Variants in MAPK8IP3 observed in about 807,000 individuals in gnomAD.
MAPK8IP3 encodes C-Jun-amino-terminal kinase-interacting protein 3.
In MAPK8IP3, 49 loss-of-function variants were observed where a neutral mutation model predicts 157.8. That is an observed-to-expected ratio of 0.31 (90% CI 0.25 to 0.39). The LOEUF (loss-of-function observed/expected upper bound fraction) is 0.39, where lower values mean the gene tolerates loss of function less well. Ranked by LOEUF, MAPK8IP3 falls within the 10% of genes least tolerant of loss-of-function variation. The probability of loss-of-function intolerance (pLI) is 1.00; values close to 1 mark genes in which losing one functional copy is unlikely to be tolerated. For synonymous variants in MAPK8IP3, 897 were observed against 777.7 expected, an observed-to-expected ratio of 1.15 and a Z score of -2.55; for missense variants, 1,478 against 1,889.4, an observed-to-expected ratio of 0.78 and a Z score of 4.04.
chr16:1,711,869 G>C (rs557307383), intron 1 of MAPK8IP3, among the ~76,000 whole-genome samples: 2 of 151,136 alleles, frequency 1.3e-5, no homozygotes, highest in East Asian at 2.0e-4. Context: ...GAACACAGGA[G>C]GTAGAGCTTG....
intron 8 of MAPK8IP3, chr16:1,752,280 G>A (rs533618539): frequency 2.8e-5 from 5 of 178,974 alleles, no homozygotes; most frequent in Non-Finnish European, 6.1e-5. Context: ...CGATGAGGCT[G>A]CAAGTCACTA....
At chr16:1,748,825 T>C (rs1481399114) in intron 8 of MAPK8IP3, 105 bp downstream of exon 8, 1 of 1,023,198 alleles carries the variant, frequency 9.8e-7, no homozygotes, top group Non-Finnish European at 1.6e-6. Context: ...AGCTGTGAGC[T>C]AGGAACCTTT....
rs1329515421 is a variant in MAPK8IP3, at chr16:1,742,950, G to A, written c.603-382G>A. ...ATCCTGGCTAACACGGTGAAACCCC[G>A]TCTCTACTAAAAATACAAAAAAAAA... On this transcript the variant is annotated intron_variant, in intron 4 of 31. Coordinates refer to ENST00000610761, the MANE Select transcript of MAPK8IP3 (RefSeq NM_001318852.2). The surrounding 1 kb of genome is among the most constrained non-coding windows in gnomAD (Gnocchi z 5.0). 1.3e-5 allele frequency among the ~76,000 whole-genome samples: 2 copies of A among 151,858 alleles called. No homozygotes were observed. Among genetic ancestry groups the A allele is most frequent in the South Asian group, 2.1e-4 (1 of 4,818 alleles).
rs745739829 is a variant in MAPK8IP3 at position 1,768,462 on chromosome 16, C to T, written c.3743-15C>T. The stretch of plus-strand genomic sequence containing the variant: ...CCCAGGAGGCCGCTGTCCTGAATCG[C>T]TTCTGCCATCCCAGGGAACGTGCTG... On this transcript the variant is annotated splice_polypyrimidine_tract_variant and intron_variant, in intron 30 of 31. Coordinates refer to ENST00000610761, the MANE Select transcript of MAPK8IP3 (RefSeq NM_001318852.2). 1.6e-5 allele frequency: 26 copies of T among 1,578,344 alleles called. No homozygotes were observed. The South Asian group carries it at 2.6e-4, about 16-fold the overall frequency.
At chr16:1,728,925 A>C (rs375929601) in intron 2 of MAPK8IP3, among the ~76,000 whole-genome samples, 2,265 of 85,380 alleles carry the variant, frequency 0.027, no homozygotes, top group Middle Eastern at 0.13. Context: ...AGCAGCCCCC[A>C]AGACGGCCTT....
In MAPK8IP3 at chr16:1,763,796, G is replaced by A. The variant is rs369687516; in HGVS notation, c.2025+13G>A. The A allele has an allele frequency of 1.6e-5, 24 of 1,513,814 alleles. No homozygotes were observed. In the African/African-American group the frequency reaches 3.2e-4, roughly 20 times the overall value. 93.8% of individuals were successfully genotyped at this position (1,513,814 alleles called of 1,614,324 possible). A position where few individuals can be genotyped will look rare whatever the true frequency, so the allele number is the denominator to read the frequency against. On this transcript the variant is annotated intron_variant, in intron 17 of 31. Coordinates refer to ENST00000610761, the MANE Select transcript of MAPK8IP3 (RefSeq NM_001318852.2). ...CAAGTACAAGCAGGTGCGGGCGGGC[G>A]CTGCGGGGACCGGGCGGGGCCCCGC...
At chr16:1,758,762 A>G (rs1447756000) in intron 9 of MAPK8IP3, among the ~76,000 whole-genome samples, 1 of 152,196 alleles carries the variant, frequency 6.6e-6, no homozygotes, top group African/African-American at 2.4e-5. Flanking sequence ...GTCTTCATGT[A>G]ACCCCAAGGA....
rs1449598065 is a variant in MAPK8IP3, at chr16:1,741,253, G to A, written c.603-2079G>A. 1.3e-5 allele frequency among the ~76,000 whole-genome samples: 2 copies of A among 152,216 alleles called. No homozygotes were observed. Among genetic ancestry groups the A allele is most frequent in the Non-Finnish European group, 2.9e-5 (2 of 68,034 alleles). Reference sequence around the variant, plus strand: ...GGGAGCATCTGCATCCCCTGAGGGAGCTGCGAGGACAAATCGGGAGGACGG... The same window carrying A: ...GGGAGCATCTGCATCCCCTGAGGGAACTGCGAGGACAAATCGGGAGGACGG... On this transcript the variant is annotated intron_variant, in intron 4 of 31. Transcript: ENST00000610761. This position sits in a 1 kb window ranked among gnomAD's most constrained non-coding sequence, Gnocchi z 6.9.
chr16:1,757,479 T>G (rs2041674409), intron 8 of MAPK8IP3, among the ~76,000 whole-genome samples: 2 of 152,162 alleles, frequency 1.3e-5, no homozygotes, highest in Non-Finnish European at 2.9e-5. Flanking sequence ...TCACCTCTGT[T>G]GGAGGAAGTG....
At chr16:1,761,488 ACCATTCACCATTCACAGGCG>A in intron 13 of MAPK8IP3, among the ~76,000 whole-genome samples, 183 bp downstream of exon 13, 1 of 147,792 alleles carries the variant, frequency 6.8e-6, no homozygotes. Context: ...CGGGGCGGCC[ACCATTCACCATTCACAGGCG>A]GGGCGGCCAC....
rs201803478 is a variant in MAPK8IP3 at position 1,768,552 on chromosome 16, C to T, written c.3818C>T (p.Ser1273Leu). 821 of 1,569,088 alleles carry T rather than the reference C, an allele frequency of 5.2e-4. 2 individuals are homozygous for T. The highest frequency in any genetic ancestry group is 6.4e-4 in the Non-Finnish European group (736 of 1,158,200). Residue 1273 changes from serine to leucine, a missense_variant, in exon 31 of 32, where the codon TCG (serine) becomes TTG (leucine). Ser to Leu is a moderately radical substitution (Grantham distance 145). Transcript: ENST00000610761. ...GGCCCTGGGCCAGCTGCCCCTGCCTCGGAGGTCGAGGGCCAGAAGCTGCGG... is the reference window on the plus strand; with the variant it reads ...GGCCCTGGGCCAGCTGCCCCTGCCTTGGAGGTCGAGGGCCAGAAGCTGCGG... ...AEGPGPAAPA[S>L]EVEGQKLRNV...
At chr16:1,719,862 A>C (rs1424898248) in intron 1 of MAPK8IP3, among the ~76,000 whole-genome samples, 1 of 151,998 alleles carries the variant, frequency 6.6e-6, no homozygotes, top group Non-Finnish European at 1.5e-5. Context: ...TCAAAAACAA[A>C]CCAAAAAGTA....
In MAPK8IP3 at chr16:1,762,878, C is replaced by G. The variant is rs1189482591; in HGVS notation, c.1770C>G (p.Ala590=). ...LFSSSSSPPP[A]KRPYPSVNIH... ...GCTCTTCCTCCAGCCCCCCTCCGGC[C>G]AAGCGCCCCTATCCCTCGGTGAACA... The change falls in exon 16 of 32, where the codon GCC becomes GCG. Residue 590 remains alanine, a synonymous_variant. Coordinates refer to ENST00000610761, the MANE Select transcript of MAPK8IP3 (RefSeq NM_001318852.2). 6.2e-7 allele frequency: 1 copy of G among 1,613,102 alleles called. No homozygotes were observed. Among genetic ancestry groups the G allele is most frequent in the Non-Finnish European group, 8.5e-7 (1 of 1,179,974 alleles).
At chr16:1,736,953 CGT>C (rs1334413961) in intron 4 of MAPK8IP3, among the ~76,000 whole-genome samples, 4 of 63,754 alleles carry the variant, frequency 6.3e-5, no homozygotes, top group African/African-American at 1.9e-4. Flanking sequence ...TCCATGTGAG[CGT>C]GTGACCGTCC....
At chr16:1,756,483 T>C (rs2141899027) in intron 8 of MAPK8IP3, among the ~76,000 whole-genome samples, 1 of 151,420 alleles carries the variant, frequency 6.6e-6, no homozygotes, top group South Asian at 2.1e-4. Context: ...CGAGACCCCA[T>C]CTAAAAAAAG....
chr16:1,733,457 G>T (rs117421163), intron 4 of MAPK8IP3, among the ~76,000 whole-genome samples: 1 of 152,238 alleles, frequency 6.6e-6, no homozygotes. Context: ...TGATGCTGCC[G>T]TCGTCATGGG....
rs2141957065 is a variant in MAPK8IP3 at position 1,767,796 on chromosome 16, C to G, written c.3410-9C>G. On this transcript the variant is annotated splice_polypyrimidine_tract_variant and intron_variant, in intron 27 of 31. Transcript: ENST00000610761. ...CAAGGCCAGCCACCCTGACCGCTCTCCCCCACAGGCACTGGCAAGCTGGGT... is the reference window on the plus strand; with the variant it reads ...CAAGGCCAGCCACCCTGACCGCTCTGCCCCACAGGCACTGGCAAGCTGGGT... 1.9e-6 allele frequency: 3 copies of G among 1,611,426 alleles called. No individual in the cohort carries two copies. The highest frequency in any genetic ancestry group is 2.5e-6 in the Non-Finnish European group (3 of 1,179,846).
At position 1,725,479 on chromosome 16, in the gene MAPK8IP3, T is replaced by C. The variant is rs139866196; in HGVS notation, c.439+802T>C. Among the ~76,000 whole-genome samples, 1,217 of 150,722 alleles carry C rather than the reference T, an allele frequency of 8.1e-3. 11 individuals are homozygous for C. The highest frequency in any genetic ancestry group is 0.012 in the Non-Finnish European group (803 of 67,698). ...CCCGTCTCTATAAAAATATAAAAAT[T>C]ACCCGGGCATGGTGGCGGGCGCCTG... On this transcript the variant is annotated intron_variant, in intron 2 of 31. Coordinates refer to ENST00000610761, the MANE Select transcript of MAPK8IP3 (RefSeq NM_001318852.2).
At chr16:1,744,098 G>C in intron 5 of MAPK8IP3, 1 of 986,316 alleles carries the variant, frequency 1.0e-6, no homozygotes, top group Non-Finnish European at 1.2e-6. Flanking sequence ...GTGCACCTCA[G>C]AGCACAGGGG....
Sources: gnomAD v4.1 joint callset for allele counts (sites outside exome capture counted in the v4.1 genomes callset) on GRCh38, gnomAD v4.1.1 for gene constraint, Gnocchi (gnomAD v3.1) non-coding constraint, MANE v1.5 for transcripts, NCBI Gene and HGNC (gene_info 2026-07-23, HGNC 2026-07-21) for gene names.